AFF1: variants seen among roughly 807,000 people sequenced by gnomAD.
AFF1 encodes ALF transcription elongation factor 1.
A neutral mutation model predicts 121.7 loss-of-function variants in AFF1; 48 were observed. That is an observed-to-expected ratio of 0.39 (90% CI 0.31 to 0.50). The LOEUF (loss-of-function observed/expected upper bound fraction) is 0.50. Among genes scored for constraint, AFF1 ranks in the 20% least tolerant of loss-of-function variants. The pLI is 0.76. For synonymous variants in AFF1, 613 were observed against 563.0 expected (o/e 1.09, Z -1.26); for missense variants, 1,523 against 1,511.7 (o/e 1.01, Z -0.12).
chr4:87,118,009 A>G (rs1434413984), intron 12 of AFF1, among the ~76,000 whole-genome samples: 1 of 152,240 alleles, frequency 6.6e-6, no homozygotes, highest in African/African-American at 2.4e-5. Context: ...GATAATGAAG[A>G]TATTTTTCAT....
At chr4:86,999,094 C>T (rs916960810) in intron 2 of AFF1, among the ~76,000 whole-genome samples, 3 of 152,224 alleles carry the variant, frequency 2.0e-5, no homozygotes, top group African/African-American at 7.2e-5. Flanking sequence ...TTTTGAAAGG[C>T]ATCACTACTC....
At chr4:87,039,970 C>T (rs1010947535) in intron 2 of AFF1, among the ~76,000 whole-genome samples, 22 of 152,238 alleles carry the variant, frequency 1.4e-4, no homozygotes, top group African/African-American at 5.3e-4. Flanking sequence ...GGCGCGATCT[C>T]GGCTCACTGC....
intron 2 of AFF1, among the ~76,000 whole-genome samples, chr4:87,022,366 G>A (rs1727989656): frequency 6.6e-6 from 1 of 151,638 alleles, no homozygotes; most frequent in Admixed American, 6.6e-5. Flanking sequence ...AGGTTTAGTA[G>A]ATGTTCCAGT....
chr4:86,971,845 T>C (rs755994944), intron 2 of AFF1, among the ~76,000 whole-genome samples: 18 of 152,098 alleles, frequency 1.2e-4, no homozygotes, highest in Non-Finnish European at 1.9e-4. Context: ...GGTGTTAAAG[T>C]TTGAAGGGGC....
In AFF1 at chr4:87,061,920, A is replaced by G. The variant is rs188354689; in HGVS notation, c.1059+14326A>G. On this transcript the variant is annotated intron_variant, in intron 4 of 20. Transcript: ENST00000395146. ...AGTAGAATAAACTTTGCTTTTTTTGACCCTCTATCCAAACATAGAGATGTT... is the reference window on the plus strand; with the variant it reads ...AGTAGAATAAACTTTGCTTTTTTTGGCCCTCTATCCAAACATAGAGATGTT... Among the ~76,000 whole-genome samples, 15 of 152,198 alleles carry G rather than the reference A, an allele frequency of 9.9e-5. No individual in the cohort carries two copies. The East Asian group carries it at 2.7e-3, about 27-fold the overall frequency.
intron 4 of AFF1, among the ~76,000 whole-genome samples, chr4:87,065,920 A>G (rs1721305784): frequency 6.6e-6 from 1 of 152,192 alleles, no homozygotes; most frequent in African/African-American, 2.4e-5. Context: ...AATAGTTTTT[A>G]GAAGGCTTTT....
chr4:86,987,496 G>A (rs1026711074), intron 2 of AFF1, among the ~76,000 whole-genome samples: 2 of 152,176 alleles, frequency 1.3e-5, no homozygotes, highest in Admixed American at 6.5e-5. Context: ...AGACTGGGAT[G>A]AGTTAGACTT....
intron 4 of AFF1, among the ~76,000 whole-genome samples, chr4:87,054,487 A>T (rs1358012083): frequency 6.6e-6 from 1 of 152,210 alleles, no homozygotes; most frequent in Non-Finnish European, 1.5e-5. Context: ...GTAGAAGATT[A>T]TGACACAATC....
rs1726115338 is a variant in AFF1, at chr4:87,108,190, T to A, written c.1408T>A (p.Ser470Thr). 6.2e-7 allele frequency: 1 copy of A among 1,614,136 alleles called. No homozygotes were observed. Among genetic ancestry groups the A allele is most frequent in the East Asian group, 2.2e-5 (1 of 44,886 alleles). ...APQSLPEPVA[S>T]AHSSSAESES... is the part of the protein sequence containing the mutation. ...ACAGTCCCTTCCAGAACCAGTGGCA[T>A]CAGCACATTCCAGCAGTGCAGAGTC... Residue 470 changes from serine (S) to threonine (T), a missense_variant, in exon 11 of 21, where the codon TCA becomes ACA. Around this residue, in one of 5 missense-constraint regions of AFF1, gnomAD observed 905 missense variants for 842.5 expected, o/e 1.07. Coordinates refer to ENST00000395146, the MANE Select transcript of AFF1 (RefSeq NM_001166693.3).
chr4:87,000,640 T>TGTGTGTGG (rs1407615567), intron 2 of AFF1, among the ~76,000 whole-genome samples: 4 of 148,856 alleles, frequency 2.7e-5, no homozygotes, highest in Non-Finnish European at 5.9e-5. Context: ...TGTGTGTGTG[T>TGTGTGTGG]GGCAGAGGAA....
Position 87,091,837 on chromosome 4 carries a change from A to C in AFF1, c.1228+8A>C. 6.4e-7 allele frequency: 1 copy of C among 1,556,654 alleles called. No homozygotes were observed. Among genetic ancestry groups the C allele is most frequent in the Non-Finnish European group, 8.7e-7 (1 of 1,151,020 alleles). ...CTGTAACCCAAAACCAAAGTAAGTA[A>C]ATTTGAAACTGCTTATTGGATTGGA... On this transcript the variant is annotated splice_region_variant and intron_variant, in intron 7 of 20. Coordinates refer to ENST00000395146, the MANE Select transcript of AFF1 (RefSeq NM_001166693.3).
intron 3 of AFF1, 95 bp downstream of exon 3, chr4:87,046,381 C>CA (rs1730696374): frequency 7.6e-6 from 11 of 1,440,000 alleles, no homozygotes; most frequent in Non-Finnish European, 1.0e-5. Context: ...GAACAAGGGT[C>CA]ACAGCTGTGA....
intron 2 of AFF1, among the ~76,000 whole-genome samples, chr4:87,032,503 C>G (rs1368308480): frequency 6.6e-6 from 1 of 152,150 alleles, no homozygotes; most frequent in Non-Finnish European, 1.5e-5. Flanking sequence ...CTTATTCCTC[C>G]TTTTTTTGTT....
chr4:86,964,719 C>A (rs1722412163), intron 2 of AFF1, among the ~76,000 whole-genome samples: 1 of 152,238 alleles, frequency 6.6e-6, no homozygotes, highest in Non-Finnish European at 1.5e-5. Context: ...CAGGCCTGAG[C>A]CACTGCGCCC....
intron 8 of AFF1, among the ~76,000 whole-genome samples, chr4:87,095,194 C>G (rs915622671): frequency 6.6e-6 from 1 of 152,232 alleles, no homozygotes; most frequent in East Asian, 1.9e-4. Flanking sequence ...TCTCGGCTCA[C>G]TGCAATCTCT....
intron 4 of AFF1, among the ~76,000 whole-genome samples, chr4:87,060,572 C>A (rs983416861): frequency 1.3e-5 from 2 of 152,144 alleles, no homozygotes; most frequent in Admixed American, 6.5e-5. Context: ...GGCACGGTGG[C>A]TGACGCCTGT....
chr4:86,979,792 A>G (rs147957487), intron 2 of AFF1, among the ~76,000 whole-genome samples: 1 of 152,314 alleles, frequency 6.6e-6, no homozygotes, highest in Non-Finnish European at 1.5e-5. Context: ...GCTTACATAC[A>G]TAGCTGGTGG....
chr4:86,944,546 A>G (rs547673842), intron 1 of AFF1, among the ~76,000 whole-genome samples: 1 of 152,206 alleles, frequency 6.6e-6, no homozygotes, highest in East Asian at 1.9e-4. Context: ...GGGTTTCACC[A>G]TGTTAACCAG....
intron 4 of AFF1, among the ~76,000 whole-genome samples, chr4:87,058,853 G>A (rs562143649): frequency 7.2e-5 from 11 of 152,054 alleles, no homozygotes; most frequent in South Asian, 2.1e-4. Context: ...GTGCCTTCAC[G>A]CCACTGCCTC....
Sources: gnomAD v4.1 joint callset for allele counts (sites outside exome capture counted in the v4.1 genomes callset) on GRCh38, gnomAD v4.1.1 for gene constraint, gnomAD v4.1.1 regional missense constraint, MANE v1.5 for transcripts, NCBI Gene and HGNC (gene_info 2026-07-23, HGNC 2026-07-21) for gene names.